Variants in SEMA3A observed in about 807,000 individuals in gnomAD.
SEMA3A encodes semaphorin-3A.
A neutral mutation model predicts 97.9 loss-of-function variants in SEMA3A; 29 were observed. The observed-to-expected ratio is 0.30, with a 90% CI of 0.22 to 0.40. The LOEUF is 0.40. SEMA3A is among the 10% of genes least tolerant of loss of function. The pLI is 1.00. For missense variants in SEMA3A, 763 were observed against 951.3 expected (o/e 0.80, Z 2.60); for synonymous variants, 321 against 323.7 (o/e 0.99, Z 0.09).
chr7:84,398,921 T>C (rs1280884037), intron 1 of SEMA3A, among the ~76,000 whole-genome samples: 2 of 152,208 alleles, frequency 1.3e-5, no homozygotes, highest in East Asian at 3.9e-4. Context: ...TGCAGAAACA[T>C]CAACTTGAAC....
In SEMA3A at chr7:84,255,969, A is replaced by G. The variant is rs539731522; in HGVS notation, c.-83+51238T>C. Among the ~76,000 whole-genome samples, 7 of 151,266 alleles carry G rather than the reference A, an allele frequency of 4.6e-5. No individual in the cohort carries two copies. The South Asian group carries it at 1.5e-3, about 31-fold the overall frequency. ...ATTTATAATCCTTTCCCCAAGCACA[A>G]GAATAAAATATAATATATAATTAGC... is the stretch of plus-strand genomic sequence containing the variant. On this transcript the variant is annotated intron_variant, in intron 3 of 3. Coordinates refer to the SEMA3A transcript ENST00000424555.
chr7:84,001,282 T>C (rs896765348), intron 12 of SEMA3A, among the ~76,000 whole-genome samples: 9 of 152,084 alleles, frequency 5.9e-5, no homozygotes, highest in African/African-American at 2.2e-4. Context: ...GTTCTCCTCT[T>C]TCCCTTCACC....
At chr7:84,405,042 C>T (rs188142744) in intron 1 of SEMA3A, among the ~76,000 whole-genome samples, 2 of 152,226 alleles carry the variant, frequency 1.3e-5, no homozygotes, top group Admixed American at 6.5e-5. Context: ...TCACACATAA[C>T]AATACTAACC....
chr7:84,139,619 TGAA>T (rs1305501292), intron 1 of SEMA3A, among the ~76,000 whole-genome samples: 1 of 152,036 alleles, frequency 6.6e-6, no homozygotes, highest in African/African-American at 2.4e-5. Flanking sequence ...TATAAGACAA[TGAA>T]GACGACAAGC....
chr7:84,489,407 C>T (rs910858577), intron 1 of SEMA3A, among the ~76,000 whole-genome samples: 1 of 152,094 alleles, frequency 6.6e-6, no homozygotes, highest in South Asian at 2.1e-4. Context: ...TTAACCACTC[C>T]GTTTTCACAT....
chr7:84,315,416 G>C (rs560606505), intron 2 of SEMA3A, among the ~76,000 whole-genome samples: 2 of 152,148 alleles, frequency 1.3e-5, no homozygotes, highest in East Asian at 3.9e-4. Context: ...AGGATTTTGA[G>C]CTCTATTTTT....
At chr7:84,003,208 C>T (rs973876839) in intron 11 of SEMA3A, among the ~76,000 whole-genome samples, 1 of 151,762 alleles carries the variant, frequency 6.6e-6, no homozygotes, top group African/African-American at 2.4e-5. Context: ...AAAGTTAAAC[C>T]AAAAAAAGTA....
intron 3 of SEMA3A, among the ~76,000 whole-genome samples, chr7:84,238,807 C>G (rs1799294058): frequency 6.6e-6 from 1 of 151,960 alleles, no homozygotes; most frequent in South Asian, 2.1e-4. Context: ...CTCCACTTCC[C>G]TAGTTCAAGC....
chr7:84,136,621 C>G (rs1265463381), intron 1 of SEMA3A, among the ~76,000 whole-genome samples: 1 of 152,162 alleles, frequency 6.6e-6, no homozygotes, highest in Non-Finnish European at 1.5e-5. Flanking sequence ...GCTTGAATTA[C>G]TCTTATAACC....
At chr7:84,006,299 A>G (rs775698717) in intron 10 of SEMA3A, among the ~76,000 whole-genome samples, 20 of 152,186 alleles carry the variant, frequency 1.3e-4, no homozygotes, top group Non-Finnish European at 1.9e-4. Flanking sequence ...GAAAAACAAT[A>G]TAAACTATTC....
At chr7:84,335,413 T>C (rs912587878) in intron 2 of SEMA3A, among the ~76,000 whole-genome samples, 1 of 152,122 alleles carries the variant, frequency 6.6e-6, no homozygotes, top group Non-Finnish European at 1.5e-5. Context: ...TAGGTTATAG[T>C]TGTGGAAGAT....
At position 84,466,695 on chromosome 7, in the gene SEMA3A, C is replaced by T. The variant is rs186179621; in HGVS notation, c.-246+25765G>A. ...ATCTTCTCCCATATGCCTGCACAGG[C>T]CAACCTCAGGCTGGAAGATTAGATT... On this transcript the variant is annotated intron_variant, in intron 1 of 3. Coordinates refer to the SEMA3A transcript ENST00000424555. Among the ~76,000 whole-genome samples, 8 of 152,246 alleles carry T rather than the reference C, an allele frequency of 5.3e-5. No individual in the cohort carries two copies. The East Asian group carries it at 1.2e-3, about 22-fold the overall frequency.
At chr7:84,453,313 G>A (rs944628108) in intron 1 of SEMA3A, among the ~76,000 whole-genome samples, 1 of 149,076 alleles carries the variant, frequency 6.7e-6, no homozygotes, top group African/African-American at 2.5e-5. Flanking sequence ...TCGGCTCACT[G>A]CAGGCTCCGC....
intron 1 of SEMA3A, among the ~76,000 whole-genome samples, chr7:84,465,476 C>T (rs1007229130): frequency 6.6e-6 from 1 of 152,034 alleles, no homozygotes; most frequent in Admixed American, 6.5e-5. Flanking sequence ...TGTATTTATT[C>T]ATATGTGTTC....
chr7:84,197,152 A>G (rs370214148), upstream of SEMA3A, among the ~76,000 whole-genome samples: 6 of 152,172 alleles, frequency 3.9e-5, no homozygotes, highest in East Asian at 7.7e-4. Flanking sequence ...ATTAATGTTG[A>G]CACATGGAAG....
At chr7:84,182,301 T>C (rs1797758244) in intron 1 of SEMA3A, among the ~76,000 whole-genome samples, 1 of 152,132 alleles carries the variant, frequency 6.6e-6, no homozygotes, top group Admixed American at 6.5e-5. Flanking sequence ...ACTCCTTAAG[T>C]TGTCATGAAG....
At chr7:83,971,054 T>G (rs1048388501) in intron 15 of SEMA3A, among the ~76,000 whole-genome samples, 7 of 152,192 alleles carry the variant, frequency 4.6e-5, no homozygotes. Flanking sequence ...ATACATAAAC[T>G]ATTTAAAAAT....
rs1789725100 is a variant in SEMA3A, at chr7:83,988,329, C to T, written c.1453-2852G>A. Among the ~76,000 whole-genome samples the T allele has an allele frequency of 5.3e-5, 8 of 152,004 alleles. No individual in the cohort carries two copies. In the South Asian group the frequency reaches 1.7e-3, roughly 32 times the overall value. On this transcript the variant is annotated intron_variant, in intron 12 of 16. Transcript: ENST00000265362. ...GCTAGCTCTGCCCCTCGGGTTCATGCCATTCTCCTGCCTCAGCCTCCCGAG... is the reference window on the plus strand; with the variant it reads ...GCTAGCTCTGCCCCTCGGGTTCATGTCATTCTCCTGCCTCAGCCTCCCGAG...
chr7:83,971,912 TAC>T (rs1174230370), intron 15 of SEMA3A, among the ~76,000 whole-genome samples: 1 of 152,154 alleles, frequency 6.6e-6, no homozygotes, highest in Non-Finnish European at 1.5e-5. Context: ...TTTAGAATTT[TAC>T]AGTTTTAAGT....
Sources: gnomAD v4.1 joint callset for allele counts (sites outside exome capture counted in the v4.1 genomes callset) on GRCh38, gnomAD v4.1.1 for gene constraint, MANE v1.5 for transcripts, NCBI Gene and HGNC (gene_info 2026-07-23, HGNC 2026-07-21) for gene names.